Variants in PRKAA1 observed in about 807,000 individuals in gnomAD.
The protein encoded by PRKAA1 is protein kinase AMP-activated catalytic subunit alpha 1.
PRKAA1 carries 23 observed loss-of-function variants against 56.9 expected under a neutral mutation model. The ratio of observed to expected loss-of-function variants is 0.40; its 90% confidence interval spans 0.29 to 0.57. The LOEUF (loss-of-function observed/expected upper bound fraction) is 0.57, where lower values mean the gene tolerates loss of function less well. Among genes scored for constraint, PRKAA1 ranks in the 20% least tolerant of loss-of-function variants. The pLI, the probability that PRKAA1 is intolerant of heterozygous loss-of-function variation, is 0.39. For missense variants in PRKAA1, 413 were observed against 679.7 expected (o/e 0.61, Z 4.36); for synonymous variants, 226 against 227.0 (o/e 1.00, Z 0.04).
rs1293209076 is a variant in PRKAA1 at position 40,761,707 on chromosome 5, G to A, written c.*1071C>T. On this transcript the variant is annotated 3_prime_UTR_variant, in exon 9 of 9. Transcript: ENST00000397128. ...TACATAATCAAATAAGTAGCAATGT[G>A]TGCATATACTCAATAATGACTGACA... 6.6e-6 allele frequency: 1 copy of A among 152,292 alleles called. No individual in the cohort carries two copies. The highest frequency in any genetic ancestry group is 1.5e-5 in the Non-Finnish European group (1 of 68,036). The allele number at this position is 152,292 out of a possible 1,614,324, so 9.4% of individuals were successfully genotyped here. A position where few individuals can be genotyped will look rare whatever the true frequency, so the allele number is the denominator to read the frequency against.
intron 1 of PRKAA1, among the ~76,000 whole-genome samples, chr5:40,782,126 G>A (rs534491294): frequency 1.3e-5 from 2 of 152,180 alleles, no homozygotes; most frequent in South Asian, 4.1e-4. Context: ...TAATACTGGT[G>A]GACTCAAGAC....
intron 5 of PRKAA1, chr5:40,768,955 C>T: frequency 6.9e-7 from 1 of 1,454,842 alleles, no homozygotes; most frequent in Non-Finnish European, 9.4e-7. Flanking sequence ...GTTTAAAGAA[C>T]AAAGATTCAA....
chr5:40,778,250 A>G (rs1744107320), intron 1 of PRKAA1, among the ~76,000 whole-genome samples: 1 of 152,194 alleles, frequency 6.6e-6, no homozygotes, highest in East Asian at 1.9e-4. Flanking sequence ...CTCTGCCTCA[A>G]CAAAATAAAA....
In PRKAA1 at chr5:40,796,049, G is replaced by A. The variant is rs184599428; in HGVS notation, c.127+2014C>T. ...AAAACAGACCTGGCCGGGCACAGTG[G>A]CTCACGCCTGTAATCCCAGCACTTT... On this transcript the variant is annotated intron_variant, in intron 1 of 8. Transcript: ENST00000397128. Among the ~76,000 whole-genome samples, 929 of 152,326 alleles carry A rather than the reference G, an allele frequency of 6.1e-3. 13 individuals are homozygous for A. The highest frequency in any genetic ancestry group is 0.021 in the African/African-American group (879 of 41,562).
In PRKAA1 at chr5:40,767,497, G is replaced by C. The variant is rs778730540; in HGVS notation, c.790C>G (p.Pro264Ala). ...TCTTTGATTGTGGCCCTCTTCATGGGATCCACCTGCAGCATATGTTTCAAA... is the reference window on the plus strand; with the variant it reads ...TCTTTGATTGTGGCCCTCTTCATGGCATCCACCTGCAGCATATGTTTCAAA... ...SLLKHMLQVD[P>A]MKRATIKDIR... The change falls in exon 6 of 9, where the codon CCC (proline) becomes GCC (alanine). Residue 264 changes from proline (P) to alanine (A), a missense_variant. By Grantham distance (27) the Pro-to-Ala change is conservative. This residue lies in a region of PRKAA1 where 113 missense variants were observed against 198.6 expected (regional missense o/e 0.57). Transcript: ENST00000397128. 1 of 1,612,996 alleles carries C rather than the reference G, an allele frequency of 6.2e-7. No homozygotes were observed. The highest frequency in any genetic ancestry group is 1.7e-5 in the Admixed American group (1 of 59,976).
Position 40,798,197 on chromosome 5 carries a change from C to A in PRKAA1, c.-8G>T, listed in dbSNP as rs1745032203. The A allele has an allele frequency of 2.8e-6, 2 of 723,578 alleles. No individual in the cohort carries two copies. Among genetic ancestry groups the A allele is most frequent in the Non-Finnish European group, 1.8e-6 (1 of 564,866 alleles). 44.8% of individuals were successfully genotyped at this position (723,578 alleles called of 1,614,324 possible). ...GGAACTGAGTCTGCGCATGGCGCTG[C>A]GGGAGGGGGCGGAGGGGGCGGGCAG... On this transcript the variant is annotated 5_prime_UTR_variant, in exon 1 of 9. Coordinates refer to ENST00000397128, the MANE Select transcript of PRKAA1 (RefSeq NM_006251.6).
chr5:40,795,511 T>A (rs1018868725), intron 1 of PRKAA1, among the ~76,000 whole-genome samples: 2 of 152,136 alleles, frequency 1.3e-5, no homozygotes, highest in African/African-American at 4.8e-5. Flanking sequence ...CCCTTGCTAA[T>A]GCCTGCTTAG....
chr5:40,767,785 T>G, intron 5 of PRKAA1, 95 bp from the exon 6 acceptor site: 1 of 1,074,610 alleles, frequency 9.3e-7, no homozygotes, highest in Non-Finnish European at 1.3e-6. Flanking sequence ...TAAAGAATTC[T>G]TAAGCAGAAT....
chr5:40,778,121 A>G (rs1024379745), intron 1 of PRKAA1, among the ~76,000 whole-genome samples: 2 of 152,048 alleles, frequency 1.3e-5, no homozygotes, highest in Non-Finnish European at 2.9e-5. Flanking sequence ...GTGGTGGCAC[A>G]TGCCTGTAAT....
chr5:40,796,675 T>C (rs905194377), intron 1 of PRKAA1, among the ~76,000 whole-genome samples: 3 of 152,192 alleles, frequency 2.0e-5, no homozygotes, highest in African/African-American at 7.2e-5. Context: ...GGCAGTTGCT[T>C]CCCTGTGGGA....
chr5:40,768,340 C>T (rs143438554), intron 5 of PRKAA1: 2 of 748,444 alleles, frequency 2.7e-6, no homozygotes, highest in Admixed American at 6.3e-5. Flanking sequence ...AGACTTTATC[C>T]AAACTAGAAA....
At chr5:40,778,034 A>G (rs538538489) in intron 1 of PRKAA1, among the ~76,000 whole-genome samples, 5 of 152,238 alleles carry the variant, frequency 3.3e-5, no homozygotes, top group Admixed American at 1.3e-4. Context: ...AGATCACACC[A>G]CTGCACTCCA....
Position 40,769,496 on chromosome 5 carries a change from T to C in PRKAA1, c.516A>G (p.Ser172=). 3 of 1,604,638 alleles carry C rather than the reference T, an allele frequency of 1.9e-6. No individual in the cohort carries two copies. The highest frequency in any genetic ancestry group is 2.6e-6 in the Non-Finnish European group (3 of 1,174,768). Residue 172 remains serine, a synonymous_variant, in exon 5 of 9, where the codon TCA becomes TCG. Transcript: ENST00000397128. ...MNAKIADFGL[S]NMMSDGEFLR... is the part of the protein sequence containing the mutation. The stretch of plus-strand genomic sequence containing the variant: ...AAAATTCACCATCTGACATCATGTT[T>C]GAAAGACCTGAAAGTGCACAAAATC...
chr5:40,771,641 T>C, intron 4 of PRKAA1, 78 bp downstream of exon 4: 2 of 1,397,610 alleles, frequency 1.4e-6, no homozygotes, highest in Non-Finnish European at 2.0e-6. Context: ...TACAGTTATC[T>C]GAAGAATTCT....
intron 1 of PRKAA1, among the ~76,000 whole-genome samples, chr5:40,786,526 T>C (rs1744492883): frequency 6.6e-6 from 1 of 151,658 alleles, no homozygotes; most frequent in Admixed American, 6.6e-5. Flanking sequence ...ATAGTATAAC[T>C]GAACTGAAAA....
intron 1 of PRKAA1, among the ~76,000 whole-genome samples, chr5:40,788,260 C>T (rs1450261691): frequency 6.6e-6 from 1 of 152,128 alleles, no homozygotes; most frequent in Admixed American, 6.5e-5. Context: ...GCCAAGACTA[C>T]ACAATGTGGA....
intron 1 of PRKAA1, among the ~76,000 whole-genome samples, chr5:40,785,343 G>A (rs1744421335): frequency 6.6e-6 from 1 of 151,998 alleles, no homozygotes; most frequent in Admixed American, 6.6e-5. Context: ...GGGTTCAAGC[G>A]ATTCTCCTAC....
chr5:40,787,002 T>C (rs569398794), intron 1 of PRKAA1, among the ~76,000 whole-genome samples: 4 of 151,672 alleles, frequency 2.6e-5, no homozygotes, highest in Non-Finnish European at 5.9e-5. Flanking sequence ...AAGAAACTTC[T>C]TCAAGCTGAA....
intron 1 of PRKAA1, among the ~76,000 whole-genome samples, chr5:40,788,826 CA>C (rs1744602431): frequency 6.6e-6 from 1 of 151,048 alleles, no homozygotes; most frequent in African/African-American, 2.4e-5. Flanking sequence ...GACTGCATCT[CA>C]AAAAAACAAA....
Sources: gnomAD v4.1 joint callset for allele counts (sites outside exome capture counted in the v4.1 genomes callset) on GRCh38, gnomAD v4.1.1 for gene constraint, gnomAD v4.1.1 regional missense constraint, MANE v1.5 for transcripts, NCBI Gene and HGNC (gene_info 2026-07-23, HGNC 2026-07-21) for gene names.